The following PLCB4 variants were observed in gnomAD, a reference collection of about 807,000 sequenced individuals.
The protein encoded by PLCB4 is phospholipase C beta 4.
A neutral mutation model predicts 178.8 loss-of-function variants in PLCB4; 77 were observed. The observed-to-expected ratio is 0.43, with a 90% CI of 0.36 to 0.52. PLCB4 has a LOEUF of 0.52. Among genes scored for constraint, PLCB4 ranks in the 20% least tolerant of loss-of-function variants. The pLI, the probability that PLCB4 is intolerant of heterozygous loss-of-function variation, is 0.00. For synonymous variants in PLCB4, 496 were observed against 490.8 expected (o/e 1.01, Z -0.14); for missense variants, 1,024 against 1,453.4 (o/e 0.70, Z 4.80).
chr20:9,347,523 G>T (rs1163328862), intron 7 of PLCB4, among the ~76,000 whole-genome samples: 1 of 152,098 alleles, frequency 6.6e-6, no homozygotes, highest in East Asian at 1.9e-4. Flanking sequence ...ATACCTGTTT[G>T]TTCCTTTATT....
intron 3 of PLCB4, among the ~76,000 whole-genome samples, chr20:9,248,324 A>C (rs1374248221): frequency 6.6e-6 from 1 of 152,180 alleles, no homozygotes; most frequent in Non-Finnish European, 1.5e-5. Flanking sequence ...TTCTGTCTTC[A>C]GGCCATCTAA....
chr20:9,344,955 C>T (rs970984486), intron 7 of PLCB4, among the ~76,000 whole-genome samples: 1 of 152,154 alleles, frequency 6.6e-6, no homozygotes, highest in Non-Finnish European at 1.5e-5. Context: ...GTACACCTTT[C>T]GCTAATAGGC....
chr20:9,358,167 C>T (rs2035005367), intron 7 of PLCB4, among the ~76,000 whole-genome samples: 1 of 152,200 alleles, frequency 6.6e-6, no homozygotes, highest in Non-Finnish European at 1.5e-5. Flanking sequence ...TCCTATTTCC[C>T]ATCCTGAAGA....
intron 3 of PLCB4, among the ~76,000 whole-genome samples, chr20:9,282,392 G>T (rs1316967510): frequency 6.6e-6 from 1 of 151,948 alleles, no homozygotes; most frequent in East Asian, 1.9e-4. Context: ...GAAAAGTGAT[G>T]TTACAGTTTT....
intron 3 of PLCB4, among the ~76,000 whole-genome samples, chr20:9,300,803 G>C (rs1166132184): frequency 6.6e-6 from 1 of 152,062 alleles, no homozygotes; most frequent in Non-Finnish European, 1.5e-5. Context: ...CAACTTTTTA[G>C]TTCTTTTAAG....
At chr20:9,461,832 A>G (rs2043416251) in intron 35 of PLCB4, among the ~76,000 whole-genome samples, 1 of 152,234 alleles carries the variant, frequency 6.6e-6, no homozygotes, top group Non-Finnish European at 1.5e-5. Context: ...GGCAGGGCAT[A>G]GCTGAACAAA....
intron 2 of PLCB4, among the ~76,000 whole-genome samples, chr20:9,209,026 C>T (rs1338615456): frequency 6.6e-6 from 1 of 152,144 alleles, no homozygotes; most frequent in African/African-American, 2.4e-5. Flanking sequence ...CAAAGCAAAA[C>T]AAAGGAAACC....
At chr20:9,433,349 A>C (rs2041558312) in intron 28 of PLCB4, among the ~76,000 whole-genome samples, 3 of 151,990 alleles carry the variant, frequency 2.0e-5, no homozygotes, top group Admixed American at 1.3e-4. Context: ...TCAGAGACAT[A>C]GTGTGAAATC....
At chr20:9,379,000 G>T (rs1194854569) in intron 12 of PLCB4, among the ~76,000 whole-genome samples, 1 of 152,068 alleles carries the variant, frequency 6.6e-6, no homozygotes, top group Non-Finnish European at 1.5e-5. Flanking sequence ...CATATATTTG[G>T]GTAAAGAGTT....
At chr20:9,116,193 T>C (rs145060097) in intron 2 of PLCB4, among the ~76,000 whole-genome samples, 1 of 152,060 alleles carries the variant, frequency 6.6e-6, no homozygotes, top group African/African-American at 2.4e-5. Flanking sequence ...TGAAACAAAA[T>C]TTAAAGTTAT....
chr20:9,308,559 T>A (rs557966077), intron 4 of PLCB4, among the ~76,000 whole-genome samples: 1 of 152,336 alleles, frequency 6.6e-6, no homozygotes, highest in African/African-American at 2.4e-5. Context: ...ATGAAATTGA[T>A]GTTTCCTTTA....
chr20:9,125,663 G>A (rs900328505), intron 2 of PLCB4, among the ~76,000 whole-genome samples: 8 of 152,068 alleles, frequency 5.3e-5, no homozygotes, highest in African/African-American at 1.9e-4. Context: ...TTAGAAACTA[G>A]AGACCAACAT....
At chr20:9,326,780 A>C (rs998742913) in intron 4 of PLCB4, among the ~76,000 whole-genome samples, 2 of 152,126 alleles carry the variant, frequency 1.3e-5, no homozygotes, top group African/African-American at 2.4e-5. Context: ...AACAAACAGA[A>C]GATGACCTTC....
rs550150543 is a variant in PLCB4 at position 9,118,236 on chromosome 20, C to A, written c.-79+21894C>A. On this transcript the variant is annotated intron_variant, in intron 2 of 39. Transcript: ENST00000378473. ...TCCCTCCCCCCTCCCCCCACCCCAC[C>A]ACAGTCCCCAGAGTGTGATATTCCC... Among the ~76,000 whole-genome samples, 3 of 114,852 alleles carry A rather than the reference C, an allele frequency of 2.6e-5. No homozygotes were observed. The East Asian group carries it at 8.6e-4, about 33-fold the overall frequency. The allele number at this position is 114,852 out of a possible 152,430, so 75.3% of individuals were successfully genotyped here.
chr20:9,293,432 T>C (rs2094600001), intron 3 of PLCB4, among the ~76,000 whole-genome samples: 1 of 146,066 alleles, frequency 6.8e-6, no homozygotes, highest in South Asian at 2.2e-4. Flanking sequence ...AAGAAGTCAC[T>C]GCACTCCAGC....
chr20:9,421,231 A>T, intron 26 of PLCB4, 66 bp from the exon 27 acceptor site: 1 of 1,243,564 alleles, frequency 8.0e-7, no homozygotes, highest in Non-Finnish European at 1.1e-6. Flanking sequence ...TTACTTCCTG[A>T]TTATTTTTTG....
At chr20:9,268,793 T>C (rs1361036722) in intron 3 of PLCB4, among the ~76,000 whole-genome samples, 2 of 152,194 alleles carry the variant, frequency 1.3e-5, no homozygotes, top group Non-Finnish European at 2.9e-5. Context: ...AGGCCAACTC[T>C]TTTTTTATTT....
intron 4 of PLCB4, among the ~76,000 whole-genome samples, chr20:9,330,042 T>C (rs1227441022): frequency 1.3e-5 from 2 of 152,204 alleles, no homozygotes; most frequent in Non-Finnish European, 2.9e-5. Context: ...AGGCGGTGTT[T>C]GTGCAGAATC....
In PLCB4 at chr20:9,395,557, T is replaced by C. The variant is rs1272511715; in HGVS notation, c.1449T>C (p.Ala483=). ...QLEALRSMME[A]GESASPANIL... ...AAGCTTTGAGAAGCATGATGGAAGC[T>C]GGAGAATCTGCCTCCCCAGCAAACA... Residue 483 remains alanine (A), a synonymous_variant, in exon 19 of 40, where the codon GCT becomes GCC. Coordinates refer to ENST00000378473, the MANE Select transcript of PLCB4 (RefSeq NM_001377142.1). 1.2e-5 allele frequency: 19 copies of C among 1,613,798 alleles called. No individual in the cohort carries two copies. The highest frequency in any genetic ancestry group is 1.5e-5 in the Non-Finnish European group (18 of 1,179,836).
Sources: allele counts gnomAD v4.1 joint callset (sites outside exome capture counted in the v4.1 genomes callset), GRCh38; gene constraint gnomAD v4.1.1; transcripts MANE v1.5; gene names NCBI Gene and HGNC (gene_info 2026-07-23, HGNC 2026-07-21).